The following LRFN5 variants were observed in gnomAD, a reference collection of about 807,000 sequenced individuals.
LRFN5 encodes the protein leucine-rich repeat and fibronectin type-III domain-containing protein 5.
A neutral mutation model predicts 45.6 loss-of-function variants in LRFN5; 24 were observed. That is an observed-to-expected ratio of 0.53 (90% CI 0.38 to 0.74). The LOEUF is 0.74. Ranked by LOEUF, LRFN5 falls within the 30% of genes least tolerant of loss-of-function variation. The pLI is 0.00. For synonymous variants in LRFN5, 340 were observed against 313.8 expected (o/e 1.08, Z -0.88); for missense variants, 776 against 861.5 (o/e 0.90, Z 1.24).
At chr14:41,862,861 CTTTTTTTTTT>C (rs536861522) in intron 2 of LRFN5, among the ~76,000 whole-genome samples, 1 of 110,234 alleles carries the variant, frequency 9.1e-6, no homozygotes, top group Non-Finnish European at 1.8e-5. Flanking sequence ...TTAAGTCTCT[CTTTTTTTTTT>C]TTTTTTTTTT....
Position 41,766,986 on chromosome 14 carries a change from T to G in LRFN5, c.-64T>G, listed in dbSNP as rs1885908341. 1 of 152,568 alleles carries G rather than the reference T, an allele frequency of 6.6e-6. No individual in the cohort carries two copies. Among genetic ancestry groups the G allele is most frequent in the African/African-American group, 2.4e-5 (1 of 41,418 alleles). The allele number at this position is 152,568 out of a possible 1,614,324, so 9.5% of individuals were successfully genotyped here. On this transcript the variant is annotated 5_prime_UTR_variant, in exon 2 of 6. Transcript: ENST00000298119. ...CGTCTTCTGCAGCAGCCAGGCAGAG[T>G]GCCGACTCCTTCACAGCCGTGAGGA...
chr14:41,755,345 G>A (rs1885326071), intron 1 of LRFN5, among the ~76,000 whole-genome samples: 1 of 152,164 alleles, frequency 6.6e-6, no homozygotes, highest in African/African-American at 2.4e-5. Flanking sequence ...TCATTGATCT[G>A]TCTGATGTTG....
intron 2 of LRFN5, among the ~76,000 whole-genome samples, chr14:41,874,056 T>A (rs764056253): frequency 1.8e-4 from 28 of 152,200 alleles, no homozygotes; most frequent in Admixed American, 9.8e-4. Context: ...TTATGTCCTT[T>A]CAAGTTGTCA....
intron 1 of LRFN5, among the ~76,000 whole-genome samples, chr14:41,708,792 A>G (rs1394438631): frequency 1.3e-5 from 2 of 151,610 alleles, no homozygotes; most frequent in Non-Finnish European, 1.5e-5. Flanking sequence ...CAGAGGCTTG[A>G]TAAGATTTAG....
rs774963199 is a variant in LRFN5 at position 41,840,764 on chromosome 14, A to G, written c.-20-45842A>G. 5.4e-4 allele frequency among the ~76,000 whole-genome samples: 82 copies of G among 152,118 alleles called. No individual in the cohort carries two copies. In the Middle Eastern group the frequency reaches 0.014, roughly 25 times the overall value. ...TGGAAGGCAACTAAAATAATTCTAA[A>G]CATTGTTCTTTAATTTTTATCCAGT... On this transcript the variant is annotated intron_variant, in intron 2 of 5. Coordinates refer to ENST00000298119, the MANE Select transcript of LRFN5 (RefSeq NM_152447.5).
intron 1 of LRFN5, among the ~76,000 whole-genome samples, chr14:41,744,486 T>C (rs1389647634): frequency 1.3e-5 from 2 of 152,228 alleles, no homozygotes; most frequent in African/African-American, 4.8e-5. Flanking sequence ...ATAATATATA[T>C]GGAAAACAAA....
intron 2 of LRFN5, among the ~76,000 whole-genome samples, chr14:41,786,389 T>G (rs529455173): frequency 1.2e-4 from 18 of 152,164 alleles, no homozygotes; most frequent in African/African-American, 4.3e-4. Flanking sequence ...AATACATTAA[T>G]TTAACATTTT....
intron 1 of LRFN5, among the ~76,000 whole-genome samples, chr14:41,741,766 A>T (rs935004275): frequency 2.6e-5 from 4 of 151,578 alleles, no homozygotes; most frequent in African/African-American, 4.8e-5. Flanking sequence ...ATAGCCCACA[A>T]ATTTAGGTAA....
intron 1 of LRFN5, among the ~76,000 whole-genome samples, chr14:41,673,647 CGGG>C (rs1238130734): frequency 7.1e-6 from 1 of 140,382 alleles, no homozygotes; most frequent in African/African-American, 2.7e-5. Flanking sequence ...CCCTCCCGGA[CGGG>C]GCAGCTGGCC....
At chr14:41,744,989 T>A (rs1884863524) in intron 1 of LRFN5, among the ~76,000 whole-genome samples, 1 of 151,958 alleles carries the variant, frequency 6.6e-6, no homozygotes, top group Non-Finnish European at 1.5e-5. Context: ...AAACAGAAGA[T>A]AAGAAGATAG....
At chr14:41,679,075 G>A (rs1881768276) in intron 1 of LRFN5, among the ~76,000 whole-genome samples, 1 of 152,136 alleles carries the variant, frequency 6.6e-6, no homozygotes, top group Admixed American at 6.6e-5. Flanking sequence ...CTAGCCAGAG[G>A]GGAATCATCA....
chr14:41,772,659 G>A (rs552215063), intron 2 of LRFN5, among the ~76,000 whole-genome samples: 4 of 152,256 alleles, frequency 2.6e-5, no homozygotes, highest in Admixed American at 6.5e-5. Context: ...ATTCCAAATT[G>A]ATATATCTAA....
At chr14:41,695,939 G>C (rs548547094) in intron 1 of LRFN5, among the ~76,000 whole-genome samples, 1 of 151,804 alleles carries the variant, frequency 6.6e-6, no homozygotes, top group Non-Finnish European at 1.5e-5. Flanking sequence ...TTTCTCTGAG[G>C]GATCTGGGCA....
intron 1 of LRFN5, among the ~76,000 whole-genome samples, chr14:41,612,474 T>G (rs1208111275): frequency 6.6e-6 from 1 of 152,172 alleles, no homozygotes; most frequent in East Asian, 1.9e-4. Context: ...ATTTTATGTT[T>G]TATGTATTAT....
At chr14:41,705,645 C>T (rs1158523823) in intron 1 of LRFN5, among the ~76,000 whole-genome samples, 2 of 152,014 alleles carry the variant, frequency 1.3e-5, no homozygotes, top group Admixed American at 6.6e-5. Context: ...TGTTCTTTAT[C>T]CATATCATAC....
intron 1 of LRFN5, among the ~76,000 whole-genome samples, chr14:41,712,287 C>T (rs1017043845): frequency 2.4e-5 from 3 of 125,186 alleles, no homozygotes; most frequent in Admixed American, 8.6e-5. Context: ...TTGGGCCAGG[C>T]GCAGTGGCTT....
At chr14:41,749,598 T>C (rs1263625948) in intron 1 of LRFN5, among the ~76,000 whole-genome samples, 1 of 152,082 alleles carries the variant, frequency 6.6e-6, no homozygotes, top group African/African-American at 2.4e-5. Flanking sequence ...CTCTCACTTA[T>C]AAGTGAAAGT....
intron 1 of LRFN5, chr14:41,731,359 T>C (rs1428242713): frequency 6.6e-6 from 1 of 152,114 alleles, no homozygotes. Context: ...CAAAGGTAAG[T>C]CCCATTCTTG....
intron 2 of LRFN5, among the ~76,000 whole-genome samples, chr14:41,825,397 C>T (rs1048780949): frequency 6.6e-6 from 1 of 152,220 alleles, no homozygotes; most frequent in African/African-American, 2.4e-5. Context: ...GCTCATGTCT[C>T]TGCTGGAAGG....
Sources: allele counts gnomAD v4.1 joint callset (sites outside exome capture counted in the v4.1 genomes callset), GRCh38; gene constraint gnomAD v4.1.1; transcripts MANE v1.5; gene names NCBI Gene and HGNC (gene_info 2026-07-23, HGNC 2026-07-21).